The following FRMD4A variants were observed in gnomAD, a reference collection of about 807,000 sequenced individuals.
The protein encoded by FRMD4A is FERM domain-containing protein 4A.
In FRMD4A, 29 loss-of-function variants were observed where a neutral mutation model predicts 129.1. The ratio of observed to expected loss-of-function variants is 0.22; its 90% CI spans 0.17 to 0.31. The LOEUF is 0.31. Ranked by LOEUF, FRMD4A falls within the 10% of genes least tolerant of loss-of-function variation. The probability of loss-of-function intolerance (pLI) is 1.00; values close to 1 mark genes in which losing one functional copy is unlikely to be tolerated. For synonymous variants in FRMD4A, 634 were observed against 571.6 expected (o/e 1.11, Z -1.56); for missense variants, 1,272 against 1,375.8 (o/e 0.92, Z 1.19).
chr10:13,829,169 T>C (rs1306834155), intron 3 of FRMD4A, among the ~76,000 whole-genome samples: 1 of 151,378 alleles, frequency 6.6e-6, no homozygotes, highest in Non-Finnish European at 1.5e-5. Flanking sequence ...AATGAAGGAG[T>C]GAATGGTGAG....
At chr10:13,847,499 G>T (rs557010077) in intron 3 of FRMD4A, among the ~76,000 whole-genome samples, 1 of 152,020 alleles carries the variant, frequency 6.6e-6, no homozygotes, top group East Asian at 1.9e-4. Context: ...GGGCTCGCTC[G>T]CTCCCTCCCT....
chr10:13,786,594 G>A (rs1013326440), intron 5 of FRMD4A, among the ~76,000 whole-genome samples: 2 of 152,058 alleles, frequency 1.3e-5, no homozygotes, highest in East Asian at 1.9e-4. Context: ...CAACAAAAGC[G>A]AAACTCCGTC....
Position 13,935,753 on chromosome 10 carries a change from A to G in FRMD4A, c.46-76841T>C, listed in dbSNP as rs547538645. Among the ~76,000 whole-genome samples the G allele has an allele frequency of 4.6e-5, 7 of 152,260 alleles. No individual in the cohort carries two copies. In the South Asian group the frequency reaches 1.5e-3, roughly 32 times the overall value. Reference sequence around the variant, plus strand: ...TACTCTCATGTTGGACTCTCCTATCAGCCCTGGCAGCTTAGATACTCCTAT... The same window carrying G: ...TACTCTCATGTTGGACTCTCCTATCGGCCCTGGCAGCTTAGATACTCCTAT... On this transcript the variant is annotated intron_variant, in intron 2 of 24. Coordinates refer to ENST00000357447, the MANE Select transcript of FRMD4A (RefSeq NM_018027.5).
chr10:13,758,024 A>C (rs537323989), intron 8 of FRMD4A, among the ~76,000 whole-genome samples: 1 of 152,316 alleles, frequency 6.6e-6, no homozygotes, highest in Non-Finnish European at 1.5e-5. Context: ...GATTACAGGC[A>C]TGAGCCACCA....
intron 2 of FRMD4A, among the ~76,000 whole-genome samples, chr10:14,129,313 G>T (rs114101556): frequency 0.013 from 1,823 of 139,526 alleles, 35 homozygotes; most frequent in African/African-American, 0.046. Flanking sequence ...CAAAAAAATC[G>T]CTCTGAGAGC....
At chr10:13,686,802 C>T (rs142049095) in intron 15 of FRMD4A, among the ~76,000 whole-genome samples, 29 of 152,270 alleles carry the variant, frequency 1.9e-4, no homozygotes, top group East Asian at 1.5e-3. Flanking sequence ...GACTTCTAGT[C>T]GAGAAGCCAA....
At chr10:13,906,155 C>T (rs941572281) in intron 2 of FRMD4A, among the ~76,000 whole-genome samples, 7 of 152,236 alleles carry the variant, frequency 4.6e-5, no homozygotes, top group Admixed American at 6.5e-5. Context: ...TGATTTTCAA[C>T]GTAACCCTCA....
intron 6 of FRMD4A, among the ~76,000 whole-genome samples, chr10:13,780,918 C>T (rs1359193000): frequency 1.3e-5 from 2 of 152,098 alleles, no homozygotes; most frequent in Non-Finnish European, 2.9e-5. Flanking sequence ...TCATGATAGG[C>T]AAAAGGTTTT....
intron 2 of FRMD4A, among the ~76,000 whole-genome samples, chr10:14,137,422 G>T (rs1839595572): frequency 6.6e-6 from 1 of 152,156 alleles, no homozygotes; most frequent in South Asian, 2.1e-4. Flanking sequence ...AGAAAGCTTT[G>T]AGTTGATTTG....
intron 2 of FRMD4A, among the ~76,000 whole-genome samples, chr10:14,002,212 T>G (rs2095645230): frequency 1.3e-5 from 2 of 152,208 alleles, no homozygotes; most frequent in Non-Finnish European, 2.9e-5. Context: ...ATAATTGTGA[T>G]AAAAGAGAAT....
intron 2 of FRMD4A, among the ~76,000 whole-genome samples, chr10:14,255,832 C>A (rs1177743615): frequency 6.6e-6 from 1 of 151,910 alleles, no homozygotes; most frequent in African/African-American, 2.4e-5. Context: ...ATGGTGAAAT[C>A]CAGTCTTTGC....
rs368215611 is a variant in FRMD4A, at chr10:13,876,195, A to G, written c.46-17283T>C. On this transcript the variant is annotated intron_variant, in intron 2 of 24. Coordinates refer to ENST00000357447, the MANE Select transcript of FRMD4A (RefSeq NM_018027.5). ...TTCCCTTCCTCTCCAATAAGTTGTG[A>G]TGTATAAGGCATGGATATATAGGCA... 9.2e-5 allele frequency among the ~76,000 whole-genome samples: 14 copies of G among 152,340 alleles called. No individual in the cohort carries two copies. The East Asian group carries it at 1.2e-3, about 13-fold the overall frequency.
chr10:13,784,406 C>T (rs1343826277), intron 5 of FRMD4A, among the ~76,000 whole-genome samples: 1 of 152,178 alleles, frequency 6.6e-6, no homozygotes, highest in East Asian at 1.9e-4. Flanking sequence ...ACAGCAGCAG[C>T]AAAAACAAGA....
chr10:13,685,616 T>C (rs1165066830), intron 15 of FRMD4A: 1 of 984,566 alleles, frequency 1.0e-6, no homozygotes, highest in Non-Finnish European at 1.2e-6. Flanking sequence ...GGGCTGGCCC[T>C]AAATGGGAAC....
chr10:13,664,704 AT>A (rs34523185), intron 18 of FRMD4A, among the ~76,000 whole-genome samples: 73,077 of 145,952 alleles, frequency 0.5, 18,413 homozygotes, highest in East Asian at 0.82. Context: ...CCATGTTAAC[AT>A]TTTTTTTTTT....
intron 2 of FRMD4A, among the ~76,000 whole-genome samples, chr10:14,210,728 GTTTC>G (rs1842912436): frequency 6.6e-6 from 1 of 152,020 alleles, no homozygotes; most frequent in African/African-American, 2.4e-5. Context: ...TTTGTTGTTT[GTTTC>G]TTTGTTTGTT....
intron 2 of FRMD4A, among the ~76,000 whole-genome samples, chr10:14,301,147 G>C (rs1846172313): frequency 6.6e-6 from 1 of 152,236 alleles, no homozygotes; most frequent in Non-Finnish European, 1.5e-5. Flanking sequence ...CACCAGGAAA[G>C]TAACATTGGT....
Position 13,976,065 on chromosome 10 carries a change from A to G in FRMD4A, c.46-117153T>C, listed in dbSNP as rs117325272. Among the ~76,000 whole-genome samples the G allele has an allele frequency of 1.1e-3, 167 of 152,308 alleles. 6 individuals are homozygous for G. In the East Asian group the frequency reaches 0.029, roughly 26 times the overall value. Reference sequence around the variant, plus strand: ...TGGTGTCTAAAGGGTAGGGAATACCATGTTAGACACCAGGAAGACAGAGTA... The same window carrying G: ...TGGTGTCTAAAGGGTAGGGAATACCGTGTTAGACACCAGGAAGACAGAGTA... On this transcript the variant is annotated intron_variant, in intron 2 of 24. Transcript: ENST00000357447.
intron 2 of FRMD4A, among the ~76,000 whole-genome samples, chr10:13,888,565 T>C (rs1453185471): frequency 2.0e-5 from 3 of 152,194 alleles, no homozygotes; most frequent in African/African-American, 4.8e-5. Context: ...AAGGGGAATA[T>C]AGTTTTTAGG....
Sources: allele counts gnomAD v4.1 joint callset (sites outside exome capture counted in the v4.1 genomes callset), GRCh38; gene constraint gnomAD v4.1.1; transcripts MANE v1.5; gene names NCBI Gene and HGNC (gene_info 2026-07-23, HGNC 2026-07-21).